TM9SF2: variants seen among roughly 807,000 people sequenced by gnomAD.
TM9SF2 encodes the protein transmembrane 9 superfamily member 2.
TM9SF2 carries 13 observed loss-of-function variants against 84.9 expected under a neutral mutation model. The ratio of observed to expected loss-of-function variants is 0.15; its 90% CI spans 0.10 to 0.24. TM9SF2 has a LOEUF of 0.24. Among genes scored for constraint, TM9SF2 ranks in the 10% least tolerant of loss-of-function variants. The probability of loss-of-function intolerance (pLI) is 1.00; values close to 1 mark genes in which losing one functional copy is unlikely to be tolerated. For synonymous variants in TM9SF2, 273 were observed against 285.8 expected, an observed-to-expected ratio of 0.96 and a Z score of 0.45; for missense variants, 562 against 818.5, an observed-to-expected ratio of 0.69 and a Z score of 3.82.
chr13:99,521,817 C>G (rs1231864100), intron 3 of TM9SF2, among the ~76,000 whole-genome samples: 1 of 152,112 alleles, frequency 6.6e-6, no homozygotes, highest in African/African-American at 2.4e-5. Flanking sequence ...AGTGATCCTC[C>G]TGTCTCACTC....
chr13:99,541,132 C>A (rs2046257258), intron 8 of TM9SF2, among the ~76,000 whole-genome samples: 2 of 152,322 alleles, frequency 1.3e-5, no homozygotes, highest in South Asian at 4.1e-4. Context: ...AAACATGATT[C>A]AAAACTTTTA....
In TM9SF2 at chr13:99,501,594, C is replaced by G. The variant is rs1437839909; in HGVS notation, c.-13C>G. 1.2e-6 allele frequency: 2 copies of G among 1,610,432 alleles called. No individual in the cohort carries two copies. Among genetic ancestry groups the G allele is most frequent in the Non-Finnish European group, 8.5e-7 (1 of 1,178,538 alleles). On this transcript the variant is annotated 5_prime_UTR_variant, in exon 1 of 17. Transcript: ENST00000376387. ...CCCCTAGGTTTGATTGCCCTTTCCC[C>G]GAAACAACTATCATGAGCGCGAGGC...
At chr13:99,535,081 G>T (rs539928370) in intron 4 of TM9SF2, among the ~76,000 whole-genome samples, 1 of 152,310 alleles carries the variant, frequency 6.6e-6, no homozygotes, top group Non-Finnish European at 1.5e-5. Context: ...GAGCCTGGGA[G>T]GTTGAGGCTG....
In TM9SF2 at chr13:99,564,030, G is replaced by T. The variant is rs558145502; in HGVS notation, c.*1272G>T. On this transcript the variant is annotated 3_prime_UTR_variant, in exon 17 of 17. Coordinates refer to ENST00000376387, the MANE Select transcript of TM9SF2 (RefSeq NM_004800.3). ...TACTAGCTGTCACTTATATGATATTGCTGGGTTCTTACTGAATAATTTTTT... is the reference window on the plus strand; with the variant it reads ...TACTAGCTGTCACTTATATGATATTTCTGGGTTCTTACTGAATAATTTTTT... 1 of 151,582 alleles carries T rather than the reference G, an allele frequency of 6.6e-6. No homozygotes were observed. Among genetic ancestry groups the T allele is most frequent in the South Asian group, 2.1e-4 (1 of 4,792 alleles). The allele number at this position is 151,582 out of a possible 1,614,324, so 9.4% of individuals were successfully genotyped here. A position where few individuals can be genotyped will look rare whatever the true frequency, so the allele number is the denominator to read the frequency against.
At chr13:99,533,480 C>G (rs1413601900) in intron 4 of TM9SF2, among the ~76,000 whole-genome samples, 1 of 152,046 alleles carries the variant, frequency 6.6e-6, no homozygotes, top group Non-Finnish European at 1.5e-5. Flanking sequence ...TTTTTCAGGT[C>G]AAGTAACATT....
At chr13:99,550,874 A>G (rs1181665758) in intron 12 of TM9SF2, among the ~76,000 whole-genome samples, 11 of 152,290 alleles carry the variant, frequency 7.2e-5, no homozygotes. Context: ...GGACATTCTC[A>G]GTAAATCTCT....
chr13:99,524,442 G>A (rs1455492081), intron 3 of TM9SF2, among the ~76,000 whole-genome samples: 1 of 152,062 alleles, frequency 6.6e-6, no homozygotes, highest in Non-Finnish European at 1.5e-5. Flanking sequence ...GTTGGGGGAT[G>A]GGGAAGAGTT....
chr13:99,544,127 G>A, intron 10 of TM9SF2, 132 bp downstream of exon 10: 1 of 924,402 alleles, frequency 1.1e-6, no homozygotes, highest in Non-Finnish European at 1.6e-6. Flanking sequence ...CAAGGCGGGT[G>A]GATGACAAGG....
chr13:99,521,264 A>G (rs1012025615), intron 3 of TM9SF2, among the ~76,000 whole-genome samples: 4 of 152,318 alleles, frequency 2.6e-5, no homozygotes, highest in Admixed American at 6.5e-5. Context: ...CATTAAATAG[A>G]TTAGATTTAC....
intron 4 of TM9SF2, among the ~76,000 whole-genome samples, chr13:99,535,630 G>GA (rs2046230732): frequency 1.3e-5 from 2 of 152,124 alleles, no homozygotes; most frequent in Non-Finnish European, 2.9e-5. Context: ...ATTTAAAGGT[G>GA]ACGAGACATG....
chr13:99,543,816 C>T, intron 9 of TM9SF2, 47 bp from the exon 10 acceptor site: 1 of 1,601,156 alleles, frequency 6.2e-7, no homozygotes, highest in Non-Finnish European at 8.5e-7. Flanking sequence ...CTATAGTTGT[C>T]TTGTTGATAC....
chr13:99,513,469 G>C (rs761952821), intron 1 of TM9SF2, among the ~76,000 whole-genome samples: 2 of 152,142 alleles, frequency 1.3e-5, no homozygotes, highest in Non-Finnish European at 2.9e-5. Flanking sequence ...GCAAAAATTT[G>C]TATTACTTCA....
rs1330892166 is a variant in TM9SF2, at chr13:99,563,313, G to A, written c.*555G>A. ...CTGTGTTGACTTCATTATTCCCATG[G>A]TATTGGCCTTTTAAACTATGTGCCT... On this transcript the variant is annotated 3_prime_UTR_variant, in exon 17 of 17. Transcript: ENST00000376387. The A allele has an allele frequency of 1.3e-5, 2 of 152,078 alleles. No individual in the cohort carries two copies. Among genetic ancestry groups the A allele is most frequent in the Non-Finnish European group, 2.9e-5 (2 of 68,006 alleles). 9.4% of individuals were successfully genotyped at this position (152,078 alleles called of 1,614,324 possible).
At chr13:99,535,833 G>T (rs1055882047) in intron 4 of TM9SF2, among the ~76,000 whole-genome samples, 1 of 152,148 alleles carries the variant, frequency 6.6e-6, no homozygotes, top group Non-Finnish European at 1.5e-5. Flanking sequence ...CACATGCTTG[G>T]ACTGTAATGT....
chr13:99,520,263 T>A, intron 3 of TM9SF2, 134 bp downstream of exon 3: 1 of 693,164 alleles, frequency 1.4e-6, no homozygotes, highest in Non-Finnish European at 2.3e-6. Flanking sequence ...AATAGGTTCT[T>A]AAAATCAAAG....
At chr13:99,502,699 A>T (rs940027405) in intron 1 of TM9SF2, among the ~76,000 whole-genome samples, 1 of 152,228 alleles carries the variant, frequency 6.6e-6, no homozygotes, top group African/African-American at 2.4e-5. Context: ...CGTTAAGTTT[A>T]TTTAAAACTT....
Position 99,546,960 on chromosome 13 carries a change from C to T in TM9SF2, c.1151-25C>T, listed in dbSNP as rs200173899. 3,263 of 1,613,950 alleles carry T rather than the reference C, an allele frequency of 2.0e-3. 7 individuals are homozygous for T. The highest frequency in any genetic ancestry group is 3.1e-3 in the Middle Eastern group (19 of 6,054). On this transcript the variant is annotated intron_variant, in intron 10 of 16. Transcript: ENST00000376387. Reference sequence around the variant, plus strand: ...AAAGGAAACAGAGTAATAACATGTACAGCCTTTCACGATTTGTGTTTTAGT... The same window carrying T: ...AAAGGAAACAGAGTAATAACATGTATAGCCTTTCACGATTTGTGTTTTAGT...
chr13:99,520,051 A>G lies in TM9SF2; in HGVS notation c.255A>G (p.Gln85=). The change falls in exon 3 of 17, where the codon CAA becomes CAG. Residue 85 remains glutamine, a synonymous_variant. Transcript: ENST00000376387. ...PYEYTAFDFC[Q]ASEGKRPSEN... ...CTTCTCCCAGGTTTGATTTTTGCCAAGCATCAGAAGGAAAGCGCCCATCTG... is the reference window on the plus strand; with the variant it reads ...CTTCTCCCAGGTTTGATTTTTGCCAGGCATCAGAAGGAAAGCGCCCATCTG... 5 of 1,613,128 alleles carry G rather than the reference A, an allele frequency of 3.1e-6. No individual in the cohort carries two copies. Among genetic ancestry groups the G allele is most frequent in the Non-Finnish European group, 4.2e-6 (5 of 1,179,716 alleles).
chr13:99,541,335 C>G (rs2046258027), intron 8 of TM9SF2, among the ~76,000 whole-genome samples: 1 of 152,134 alleles, frequency 6.6e-6, no homozygotes, highest in Non-Finnish European at 1.5e-5. Context: ...AATTCTAGTT[C>G]TAAACAGACT....
Sources: gnomAD v4.1 joint callset for allele counts (sites outside exome capture counted in the v4.1 genomes callset) on GRCh38, gnomAD v4.1.1 for gene constraint, MANE v1.5 for transcripts, NCBI Gene and HGNC (gene_info 2026-07-23, HGNC 2026-07-21) for gene names.